The following SGCZ variants were observed in gnomAD, a reference collection of about 807,000 sequenced individuals.
SGCZ encodes zeta-sarcoglycan.
Under a neutral mutation model 41.3 loss-of-function variants are expected in SGCZ, and 40 were observed. That is an observed-to-expected ratio of 0.97 (90% confidence interval 0.75 to 1.26). The LOEUF (loss-of-function observed/expected upper bound fraction) is 1.26, where lower values mean the gene tolerates loss of function less well. SGCZ is among the 50% of genes most tolerant of loss of function. The pLI, the probability that SGCZ is intolerant of heterozygous loss-of-function variation, is 0.00. For missense variants in SGCZ, 552 were observed against 369.8 expected (o/e 1.49, Z -4.04); for synonymous variants, 206 against 137.5 (o/e 1.50, Z -3.49).
chr8:14,278,887 AG>A (rs1800324754), intron 3 of SGCZ, among the ~76,000 whole-genome samples: 2 of 152,152 alleles, frequency 1.3e-5, no homozygotes, highest in Non-Finnish European at 2.9e-5. Context: ...TCTACAAGGT[AG>A]TTTTAAATGG....
chr8:14,556,593 A>G (rs1804042436), intron 1 of SGCZ, among the ~76,000 whole-genome samples: 1 of 151,888 alleles, frequency 6.6e-6, no homozygotes, highest in Non-Finnish European at 1.5e-5. Context: ...CTCACTTCTC[A>G]CCATTTCCCC....
chr8:14,309,742 A>G, intron 3 of SGCZ: 3 of 1,596,348 alleles, frequency 1.9e-6, no homozygotes, highest in Non-Finnish European at 2.6e-6. Flanking sequence ...GCTGAACCAA[A>G]GCCTCTTCAA....
At chr8:14,776,584 C>T (rs1302039746) in intron 1 of SGCZ, among the ~76,000 whole-genome samples, 1 of 141,826 alleles carries the variant, frequency 7.1e-6, no homozygotes, top group Non-Finnish European at 1.5e-5. Context: ...AGCTCAGCCT[C>T]CCGGGTTCAG....
chr8:14,647,996 CAA>C (rs1807279284), intron 1 of SGCZ, among the ~76,000 whole-genome samples: 1 of 151,932 alleles, frequency 6.6e-6, no homozygotes, highest in African/African-American at 2.4e-5. Context: ...GTGGATTCTG[CAA>C]AGAGGAGCCC....
rs144684422 is a variant in SGCZ at position 14,787,031 on chromosome 8, G to A, written c.40-232105C>T. Reference sequence around the variant, plus strand: ...TTTCCTACAAGCTCACTGTGAATCAGGAGCAGTAACATCATAATCTTGGGA... The same window carrying A: ...TTTCCTACAAGCTCACTGTGAATCAAGAGCAGTAACATCATAATCTTGGGA... On this transcript the variant is annotated intron_variant, in intron 1 of 7. Transcript: ENST00000382080. Among the ~76,000 whole-genome samples, 1,151 of 152,126 alleles carry A rather than the reference G, an allele frequency of 7.6e-3. 6 individuals carry two copies. The highest frequency in any genetic ancestry group is 0.02 in the Middle Eastern group (6 of 294).
chr8:14,195,387 A>T (rs149025914), intron 4 of SGCZ, among the ~76,000 whole-genome samples: 8 of 152,296 alleles, frequency 5.3e-5, no homozygotes, highest in African/African-American at 1.9e-4. Flanking sequence ...TAGAATAAAA[A>T]AATGAGAATT....
At chr8:14,830,394 A>G (rs1802484626) in intron 1 of SGCZ, among the ~76,000 whole-genome samples, 1 of 152,184 alleles carries the variant, frequency 6.6e-6, no homozygotes, top group Admixed American at 6.5e-5. Context: ...TTTTAGCATT[A>G]AATATTGTCA....
intron 4 of SGCZ, among the ~76,000 whole-genome samples, chr8:14,187,587 A>G (rs954717403): frequency 6.6e-6 from 1 of 152,150 alleles, no homozygotes; most frequent in African/African-American, 2.4e-5. Context: ...AAAAATCACT[A>G]AAGTGTTCCA....
At chr8:15,191,365 T>TAACAAATGA (rs1471944520) in intron 1 of SGCZ, among the ~76,000 whole-genome samples, 1 of 152,118 alleles carries the variant, frequency 6.6e-6, no homozygotes, top group African/African-American at 2.4e-5. Flanking sequence ...GGTAAACTTG[T>TAACAAATGA]AACAAATGAT....
rs114110001 is a variant in SGCZ at position 14,979,695 on chromosome 8, C to T, written c.39+257890G>A. ...GAATTCGAAGCTGTGCCTTTTAAAT[C>T]AACCAATATTCTACACTAAAAAAGT... On this transcript the variant is annotated intron_variant, in intron 1 of 7. Transcript: ENST00000382080. 5.9e-3 allele frequency among the ~76,000 whole-genome samples: 905 copies of T among 152,264 alleles called. 7 individuals are homozygous for T. Among genetic ancestry groups the T allele is most frequent in the African/African-American group, 0.021 (876 of 41,552 alleles).
chr8:15,224,706 C>T (rs964212151), intron 1 of SGCZ, among the ~76,000 whole-genome samples: 1 of 151,862 alleles, frequency 6.6e-6, no homozygotes, highest in African/African-American at 2.4e-5. Context: ...TCTGAATATA[C>T]AAAAAGGTTC....
chr8:14,271,696 G>A (rs968976972), intron 3 of SGCZ, among the ~76,000 whole-genome samples: 2 of 152,078 alleles, frequency 1.3e-5, no homozygotes, highest in Admixed American at 6.6e-5. Flanking sequence ...CTCCTTGACT[G>A]GGGTTTTTAT....
At chr8:14,257,635 C>A (rs1799512915) in intron 3 of SGCZ, among the ~76,000 whole-genome samples, 1 of 143,202 alleles carries the variant, frequency 7.0e-6, no homozygotes, top group Admixed American at 7.2e-5. Context: ...CTCCCTCCTC[C>A]CCCCGCCCTA....
chr8:14,376,248 T>A (rs1274057892), intron 2 of SGCZ, among the ~76,000 whole-genome samples: 1 of 151,868 alleles, frequency 6.6e-6, no homozygotes, highest in Non-Finnish European at 1.5e-5. Context: ...CAGGCGGAGG[T>A]TGCAGTGAGC....
At chr8:14,705,024 C>T (rs1017724516) in intron 1 of SGCZ, among the ~76,000 whole-genome samples, 1 of 151,888 alleles carries the variant, frequency 6.6e-6, no homozygotes, top group East Asian at 1.9e-4. Flanking sequence ...TATTAATAGC[C>T]ACCAAACCAC....
At chr8:15,047,805 A>C (rs1244141251) in intron 1 of SGCZ, among the ~76,000 whole-genome samples, 2 of 152,036 alleles carry the variant, frequency 1.3e-5, no homozygotes, top group Non-Finnish European at 2.9e-5. Flanking sequence ...ACCGCAGTTA[A>C]AGTGGCTATT....
intron 1 of SGCZ, among the ~76,000 whole-genome samples, chr8:14,744,117 A>T (rs928517961): frequency 3.0e-5 from 4 of 134,858 alleles, no homozygotes; most frequent in African/African-American, 1.3e-4. Flanking sequence ...CAAAAAATTT[A>T]AAAAACAAAC....
chr8:15,137,297 G>A (rs1398126790), intron 1 of SGCZ, among the ~76,000 whole-genome samples: 3 of 152,172 alleles, frequency 2.0e-5, no homozygotes, highest in South Asian at 4.1e-4. Context: ...AGAGGAAGCA[G>A]AGCATAAACA....
At chr8:14,095,424 A>T (rs1035533548) in intron 7 of SGCZ, among the ~76,000 whole-genome samples, 1 of 152,158 alleles carries the variant, frequency 6.6e-6, no homozygotes, top group Admixed American at 6.5e-5. Flanking sequence ...GTCAAAGTTC[A>T]GATGGTCGTA....
Sources: allele counts gnomAD v4.1 joint callset (sites outside exome capture counted in the v4.1 genomes callset), GRCh38; gene constraint gnomAD v4.1.1; transcripts MANE v1.5; gene names NCBI Gene and HGNC (gene_info 2026-07-23, HGNC 2026-07-21).